Variants in KLHDC4 observed in about 807,000 individuals in gnomAD.
The protein encoded by KLHDC4 is kelch domain-containing protein 4.
KLHDC4 carries 90 observed loss-of-function variants against 62.4 expected under a neutral mutation model. The ratio of observed to expected loss-of-function variants is 1.44; its 90% CI spans 1.22 to 1.72. The LOEUF is 1.72. Ranked by LOEUF, KLHDC4 falls within the 40% of genes most tolerant of loss-of-function variation. The pLI, the probability that KLHDC4 is intolerant of heterozygous loss-of-function variation, is 0.00. For synonymous variants in KLHDC4, 386 were observed against 284.4 expected (o/e 1.36, Z -3.59); for missense variants, 1,025 against 699.7 (o/e 1.47, Z -5.25).
intron 7 of KLHDC4, among the ~76,000 whole-genome samples, chr16:87,719,494 C>A (rs2037815177): frequency 6.6e-6 from 1 of 152,128 alleles, no homozygotes; most frequent in South Asian, 2.1e-4. Context: ...GTCATCACCA[C>A]TCCCTAATCT....
At chr16:87,706,688 C>T (rs1255916789), downstream of KLHDC4, among the ~76,000 whole-genome samples, 1 of 152,242 alleles carries the variant, frequency 6.6e-6, no homozygotes, top group African/African-American at 2.4e-5. Context: ...GTTCAAGTGC[C>T]ACCCACCGAG....
intron 5 of KLHDC4, among the ~76,000 whole-genome samples, chr16:87,743,294 T>C (rs1391848069): frequency 6.6e-6 from 1 of 152,090 alleles, no homozygotes; most frequent in Non-Finnish European, 1.5e-5. Flanking sequence ...GGGGTCTTAC[T>C]ATGTTGTCCC....
Position 87,711,495 on chromosome 16 carries a change from G to A in KLHDC4, c.836-52C>T, listed in dbSNP as rs757439948. ...ATAAGAACACAAGGAAGGACCCTGA[G>A]AGCCAGCCCAGGACACGCTCAGGAC... On this transcript the variant is annotated intron_variant, in intron 8 of 11. Transcript: ENST00000270583. The A allele has an allele frequency of 4.3e-5, 65 of 1,517,174 alleles. 1 individual carries two copies. The highest frequency in any genetic ancestry group is 4.1e-4 in the Middle Eastern group (2 of 4,822). The allele number at this position is 1,517,174 out of a possible 1,614,324, so 94.0% of individuals were successfully genotyped here.
At chr16:87,728,763 G>A (rs1055726225) in intron 6 of KLHDC4, among the ~76,000 whole-genome samples, 2 of 152,046 alleles carry the variant, frequency 1.3e-5, no homozygotes, top group Non-Finnish European at 2.9e-5. Context: ...TGTGGATCAT[G>A]AGGTCAGGAG....
chr16:87,728,938 C>A (rs1446406571), intron 6 of KLHDC4, among the ~76,000 whole-genome samples: 2 of 152,240 alleles, frequency 1.3e-5, no homozygotes, highest in African/African-American at 2.4e-5. Flanking sequence ...CCACACCTGG[C>A]TAATTTTTTG....
At chr16:87,738,152 A>T (rs1334794113) in intron 5 of KLHDC4, among the ~76,000 whole-genome samples, 1 of 152,096 alleles carries the variant, frequency 6.6e-6, no homozygotes, top group Non-Finnish European at 1.5e-5. Context: ...TGTACTTCAC[A>T]CCTGAGACTC....
intron 4 of KLHDC4, among the ~76,000 whole-genome samples, chr16:87,749,622 T>C (rs555033324): frequency 3.7e-4 from 56 of 152,166 alleles, no homozygotes; most frequent in African/African-American, 1.1e-3. Context: ...CTTGCTCTAT[T>C]GCCCAGACTG....
chr16:87,700,193 T>C (rs537430064), exon 1 of KLHDC4: 134 of 153,658 alleles, frequency 8.7e-4, no homozygotes, highest in African/African-American at 3.0e-3. Context: ...CTCTAGGTCA[T>C]GCTCACTTTC....
intron 2 of KLHDC4, among the ~76,000 whole-genome samples, chr16:87,758,075 T>G (rs985617841): frequency 1.3e-5 from 2 of 152,200 alleles, no homozygotes; most frequent in African/African-American, 4.8e-5. Context: ...AAAACAGGTT[T>G]CAAGGTCAAG....
At chr16:87,762,593 C>T (rs1465811455) in intron 1 of KLHDC4, among the ~76,000 whole-genome samples, 1 of 152,236 alleles carries the variant, frequency 6.6e-6, no homozygotes, top group East Asian at 1.9e-4. Context: ...ATATGAGCTC[C>T]ACCAGAGCAA....
intron 8 of KLHDC4, among the ~76,000 whole-genome samples, chr16:87,712,587 A>T (rs755458105): frequency 6.6e-6 from 1 of 152,356 alleles, no homozygotes; most frequent in Middle Eastern, 3.4e-3. Flanking sequence ...GTTCAAGTTC[A>T]CTGGGGTGTA....
intron 5 of KLHDC4, among the ~76,000 whole-genome samples, chr16:87,745,546 C>T (rs1050408092): frequency 3.3e-5 from 5 of 152,262 alleles, no homozygotes; most frequent in African/African-American, 9.6e-5. Context: ...CAAATCCATC[C>T]ACCTCTTCTG....
intron 5 of KLHDC4, among the ~76,000 whole-genome samples, chr16:87,735,527 C>T (rs1466314726): frequency 6.6e-6 from 1 of 152,256 alleles, no homozygotes; most frequent in Non-Finnish European, 1.5e-5. Context: ...ACCAGAGTCT[C>T]ATCCTCTGGC....
intron 1 of KLHDC4, among the ~76,000 whole-genome samples, chr16:87,763,235 T>C (rs1444477391): frequency 2.6e-5 from 4 of 152,354 alleles, no homozygotes; most frequent in Middle Eastern, 3.4e-3. Context: ...CTTATTAGTC[T>C]CACGCTTTTC....
At chr16:87,726,984 AAACTG>A in intron 6 of KLHDC4, 60 bp from the exon 7 acceptor site, 1 of 1,553,082 alleles carries the variant, frequency 6.4e-7, no homozygotes, top group Non-Finnish European at 8.8e-7. Context: ...CTGACATTAA[AAACTG>A]AACTGATTTA....
At chr16:87,713,961 C>T (rs1188889274) in intron 8 of KLHDC4, among the ~76,000 whole-genome samples, 7 of 152,018 alleles carry the variant, frequency 4.6e-5, no homozygotes, top group East Asian at 1.9e-4. Context: ...TCTTGGAGGC[C>T]GTCCCTGTGA....
intron 5 of KLHDC4, among the ~76,000 whole-genome samples, chr16:87,734,985 G>C (rs1336367576): frequency 9.6e-5 from 7 of 72,662 alleles, no homozygotes; most frequent in African/African-American, 4.7e-4. Flanking sequence ...TCCCCCTCCT[G>C]ACGAATTGCC....
chr16:87,709,378 T>A lies in KLHDC4; in HGVS notation c.1334A>T (p.Tyr445Phe). The A allele has an allele frequency of 6.2e-7, 1 of 1,613,376 alleles. No individual in the cohort carries two copies. Among genetic ancestry groups the A allele is most frequent in the South Asian group, 1.1e-5 (1 of 91,088 alleles). ...AMLAVKHGVL[Y>F]VYGGMFEAGD... ...GGCCTCAAACATGCCCCCATAGACG[T>A]AGAGCACCCCATGCTTCACAGCCAG... The change falls in exon 10 of 12, where the codon TAC becomes TTC. Residue 445 changes from tyrosine to phenylalanine, a missense_variant. Physicochemically the swap from Tyr to Phe is conservative, Grantham distance 22. Coordinates refer to ENST00000270583, the MANE Select transcript of KLHDC4 (RefSeq NM_017566.4).
intron 5 of KLHDC4, among the ~76,000 whole-genome samples, chr16:87,735,897 T>C (rs2041227126): frequency 6.6e-6 from 1 of 152,238 alleles, no homozygotes; most frequent in African/African-American, 2.4e-5. Context: ...ACTGGGCCGC[T>C]GTGGTGACAT....
Sources: gnomAD v4.1 joint callset for allele counts (sites outside exome capture counted in the v4.1 genomes callset) on GRCh38, gnomAD v4.1.1 for gene constraint, MANE v1.5 for transcripts, NCBI Gene and HGNC (gene_info 2026-07-23, HGNC 2026-07-21) for gene names.